Variants in RAB2A observed in about 807,000 individuals in gnomAD.
RAB2A encodes RAB2A, member RAS oncogene family, also known as ras-related protein Rab-2A.
A neutral mutation model predicts 32.5 loss-of-function variants in RAB2A; 7 were observed. The ratio of observed to expected loss-of-function variants is 0.22; its 90% CI spans 0.12 to 0.40. The LOEUF (loss-of-function observed/expected upper bound fraction) is 0.40. RAB2A is among the 10% of genes least tolerant of loss of function. RAB2A has a pLI of 1.00. For missense variants in RAB2A, 108 were observed against 260.7 expected (o/e 0.41, Z 4.03); for synonymous variants, 79 against 85.2 (o/e 0.93, Z 0.40).
chr8:60,530,701 A>G (rs890368357), intron 1 of RAB2A, among the ~76,000 whole-genome samples: 2 of 152,228 alleles, frequency 1.3e-5, no homozygotes, highest in Non-Finnish European at 1.5e-5. Context: ...ATGTTTTTAT[A>G]TGTATTGTAA....
rs190332105 is a variant in RAB2A, at chr8:60,552,406, G to A, written c.47-6446G>A. 5.7e-3 allele frequency: 864 copies of A among 152,272 alleles called. 4 individuals are homozygous for A. Among genetic ancestry groups the A allele is most frequent in the Non-Finnish European group, 6.8e-3 (464 of 68,088 alleles). 9.4% of individuals were successfully genotyped at this position (152,272 alleles called of 1,614,324 possible). On this transcript the variant is annotated intron_variant, in intron 1 of 7. Transcript: ENST00000262646. ...TCCTGCCTCAGCCTCCTAAAGTGCT[G>A]GGATTACAGGTGTGAGCCACCATGC...
intron 5 of RAB2A, among the ~76,000 whole-genome samples, chr8:60,590,169 C>T (rs970574390): frequency 2.8e-4 from 43 of 152,050 alleles, no homozygotes; most frequent in Non-Finnish European, 5.0e-4. Context: ...CCATGTTGGC[C>T]AGGCTGGTCT....
rs1804515877 is a variant in RAB2A, at chr8:60,620,867, G to A, written c.*98G>A. 3.1e-6 allele frequency: 3 copies of A among 981,290 alleles called. No individual in the cohort carries two copies. Among genetic ancestry groups the A allele is most frequent in the Non-Finnish European group, 4.4e-6 (3 of 676,818 alleles). 60.8% of individuals were successfully genotyped at this position (981,290 alleles called of 1,614,324 possible). A position where few individuals can be genotyped will look rare whatever the true frequency, so the allele number is the denominator to read the frequency against. The stretch of plus-strand genomic sequence containing the variant: ...CTGAGACATGAAACTATTTGAAATG[G>A]CTTTATGTCACAGAAGACTTTAATC... On this transcript the variant is annotated 3_prime_UTR_variant, in exon 8 of 8. Transcript: ENST00000262646.
intron 1 of RAB2A, among the ~76,000 whole-genome samples, chr8:60,553,489 A>G (rs1395820046): frequency 6.6e-6 from 1 of 152,232 alleles, no homozygotes. Flanking sequence ...TTATTGAAGT[A>G]TATTATGCAC....
intron 6 of RAB2A, among the ~76,000 whole-genome samples, chr8:60,603,210 T>C (rs553989271): frequency 1.5e-4 from 23 of 152,364 alleles, no homozygotes; most frequent in Non-Finnish European, 2.8e-4. Flanking sequence ...TAGACTATTA[T>C]TATTTGTTAA....
chr8:60,562,955 T>C (rs1808046510), intron 2 of RAB2A, among the ~76,000 whole-genome samples: 3 of 152,120 alleles, frequency 2.0e-5, no homozygotes, highest in Non-Finnish European at 2.9e-5. Context: ...TTTGCCTTCA[T>C]TGGCCCAAGG....
At chr8:60,608,113 T>TTGTG (rs1478753651) in intron 6 of RAB2A, among the ~76,000 whole-genome samples, 1 of 151,992 alleles carries the variant, frequency 6.6e-6, no homozygotes, top group East Asian at 1.9e-4. Flanking sequence ...GTTTGTTTGT[T>TTGTG]TGTTTTGGTA....
intron 2 of RAB2A, among the ~76,000 whole-genome samples, chr8:60,564,461 A>G (rs1384834008): frequency 6.6e-6 from 1 of 152,156 alleles, no homozygotes; most frequent in African/African-American, 2.4e-5. Flanking sequence ...CATATTAGCA[A>G]AATTCCACAG....
chr8:60,575,203 A>G lies in RAB2A; in HGVS notation c.186+3090A>G, dbSNP rs141883986. Among the ~76,000 whole-genome samples, 756 of 150,464 alleles carry G rather than the reference A, an allele frequency of 5.0e-3. 8 individuals are homozygous for G. Among genetic ancestry groups the G allele is most frequent in the African/African-American group, 0.017 (690 of 40,986 alleles). ...AGCCTCAAACGCCTGGCCTCAAGCA[A>G]TCCTCCCACGTCAGCCTCTTGAGTA... is the stretch of plus-strand genomic sequence containing the variant. On this transcript the variant is annotated intron_variant, in intron 3 of 7. Coordinates refer to ENST00000262646, the MANE Select transcript of RAB2A (RefSeq NM_002865.3).
At chr8:60,609,131 C>T (rs1480371949) in intron 6 of RAB2A, among the ~76,000 whole-genome samples, 3 of 152,108 alleles carry the variant, frequency 2.0e-5, no homozygotes, top group Non-Finnish European at 4.4e-5. Flanking sequence ...CTTTGATTGC[C>T]AACCCCTCAC....
At chr8:60,518,078 C>G (rs1807238237) in intron 1 of RAB2A, among the ~76,000 whole-genome samples, 1 of 152,146 alleles carries the variant, frequency 6.6e-6, no homozygotes, top group South Asian at 2.1e-4. Flanking sequence ...GAGCTCATGT[C>G]CATGAGCTGA....
intron 1 of RAB2A, among the ~76,000 whole-genome samples, chr8:60,544,385 A>G (rs1038898619): frequency 6.6e-6 from 1 of 151,948 alleles, no homozygotes; most frequent in African/African-American, 2.4e-5. Context: ...TAACTTGGTC[A>G]GGTGAGTTTA....
chr8:60,594,635 C>G (rs1803994250), intron 6 of RAB2A, among the ~76,000 whole-genome samples: 2 of 152,142 alleles, frequency 1.3e-5, no homozygotes, highest in African/African-American at 4.8e-5. Flanking sequence ...CTCCCCCAGC[C>G]CTTCAACCCC....
At chr8:60,620,490 AGT>A (rs992590425) in intron 7 of RAB2A, among the ~76,000 whole-genome samples, 182 bp from the exon 8 acceptor site, 1 of 152,252 alleles carries the variant, frequency 6.6e-6, no homozygotes, top group Non-Finnish European at 1.5e-5. Flanking sequence ...ACATTTCCAC[AGT>A]GTTTTTAAAA....
chr8:60,602,685 G>C (rs1213271929), intron 6 of RAB2A, among the ~76,000 whole-genome samples: 2 of 152,162 alleles, frequency 1.3e-5, no homozygotes, highest in Non-Finnish European at 2.9e-5. Context: ...TTATCCTGCA[G>C]AATTAGATCC....
intron 6 of RAB2A, among the ~76,000 whole-genome samples, chr8:60,599,961 CA>C (rs1220517690): frequency 6.6e-6 from 1 of 151,372 alleles, no homozygotes; most frequent in Admixed American, 6.6e-5. Flanking sequence ...GATGAAAAGA[CA>C]CATCTTCAGA....
chr8:60,517,813 A>G (rs867414126), intron 1 of RAB2A, among the ~76,000 whole-genome samples: 2 of 152,228 alleles, frequency 1.3e-5, no homozygotes, highest in Middle Eastern at 6.8e-3. Context: ...ATACATATAT[A>G]TAAAATATGC....
At chr8:60,552,849 G>C (rs1380715968) in intron 1 of RAB2A, 1 of 152,140 alleles carries the variant, frequency 6.6e-6, no homozygotes, top group Non-Finnish European at 1.5e-5. Context: ...TAGTAAGAAG[G>C]GTATGAGGAC....
chr8:60,563,149 T>C (rs1177058805), intron 2 of RAB2A, among the ~76,000 whole-genome samples: 1 of 152,098 alleles, frequency 6.6e-6, no homozygotes, highest in Non-Finnish European at 1.5e-5. Context: ...GGGTGAAAAA[T>C]TTAAGGTTGG....
Sources: allele counts gnomAD v4.1 joint callset (sites outside exome capture counted in the v4.1 genomes callset), GRCh38; gene constraint gnomAD v4.1.1; transcripts MANE v1.5; gene names NCBI Gene and HGNC (gene_info 2026-07-23, HGNC 2026-07-21).